IL20RA: variants seen among roughly 807,000 people sequenced by gnomAD.
IL20RA encodes interleukin-20 receptor subunit alpha.
In IL20RA, 29 loss-of-function variants were observed where a neutral mutation model predicts 36.5. The ratio of observed to expected loss-of-function variants is 0.79; its 90% CI spans 0.59 to 1.08. The LOEUF (loss-of-function observed/expected upper bound fraction) is 1.08. IL20RA is among the 50% of genes least tolerant of loss of function. The pLI is 0.00. For synonymous variants in IL20RA, 279 were observed against 267.1 expected, an observed-to-expected ratio of 1.04 and a Z score of -0.43; for missense variants, 652 against 668.4, an observed-to-expected ratio of 0.98 and a Z score of 0.27.
chr6:137,003,159 T>C (rs1383647767), intron 6 of IL20RA, among the ~76,000 whole-genome samples: 2 of 152,172 alleles, frequency 1.3e-5, no homozygotes, highest in African/African-American at 4.8e-5. Context: ...AAATCACAGG[T>C]GGTCAATTCT....
At chr6:137,009,008 C>T (rs1226965617) in intron 4 of IL20RA, 2 of 556,470 alleles carry the variant, frequency 3.6e-6, no homozygotes, top group South Asian at 5.6e-5. Flanking sequence ...GTCCTGGGTC[C>T]TTGCTCACAT....
intron 2 of IL20RA, among the ~76,000 whole-genome samples, chr6:137,013,004 G>T (rs1236399562): frequency 2.0e-5 from 3 of 151,874 alleles, no homozygotes; most frequent in African/African-American, 7.3e-5. Flanking sequence ...ACAGGGAAAA[G>T]AAAAATACAT....
intron 2 of IL20RA, among the ~76,000 whole-genome samples, chr6:137,011,739 A>C (rs962123837): frequency 1.1e-4 from 16 of 152,218 alleles, no homozygotes; most frequent in Non-Finnish European, 1.6e-4. Context: ...GGCTACAGTG[A>C]AATTTTTACA....
At chr6:137,044,046 T>C in intron 1 of IL20RA, 1 of 939,402 alleles carries the variant, frequency 1.1e-6, no homozygotes, top group Non-Finnish European at 1.3e-6. Context: ...TACATGGTCA[T>C]AACTGCAAAG....
At chr6:137,032,052 C>CAAAAAAAAAAAAAAA (rs11379045) in intron 1 of IL20RA, among the ~76,000 whole-genome samples, 6 of 61,834 alleles carry the variant, frequency 9.7e-5, no homozygotes, top group African/African-American at 1.9e-4. Context: ...GATTCTGTCT[C>CAAAAAAAAAAAAAAA]AAAAAAAAAA....
rs372670151 is a variant in IL20RA, at chr6:137,022,826, C to T, written c.89-5723G>A. On this transcript the variant is annotated intron_variant, in intron 1 of 6. Transcript: ENST00000316649. ...ACACAAGGAGAATGCCATGTGAAGA[C>T]GAAGGACTGGAGTGATGCACCTACA... Among the ~76,000 whole-genome samples, 31 of 152,140 alleles carry T rather than the reference C, an allele frequency of 2.0e-4. 2 individuals carry two copies. The highest frequency in any genetic ancestry group is 9.7e-4 in the East Asian group (5 of 5,162).
At chr6:137,035,715 A>T (rs968873779) in intron 1 of IL20RA, among the ~76,000 whole-genome samples, 5 of 152,252 alleles carry the variant, frequency 3.3e-5, no homozygotes, top group African/African-American at 1.2e-4. Context: ...CTATTTTGTT[A>T]AATCTGATCA....
At chr6:137,006,434 G>A (rs1775283837) in intron 5 of IL20RA, among the ~76,000 whole-genome samples, 1 of 152,174 alleles carries the variant, frequency 6.6e-6, no homozygotes. Context: ...CTGGTCCCTG[G>A]ATTGAGCCTG....
intron 2 of IL20RA, 43 bp downstream of exon 2, chr6:137,016,925 T>G (rs1357342962): frequency 4.5e-6 from 7 of 1,571,212 alleles, no homozygotes; most frequent in Non-Finnish European, 6.1e-6. Context: ...AGAGTCTGAG[T>G]CTTGTGTTTG....
rs149418965 is a variant in IL20RA at position 137,036,680 on chromosome 6, C to T, written c.88+7961G>A. ...CTCCCTCACAGCCTTCAGAAAGAAC[C>T]CACCCTGCTGACACCTTGATTTCAG... On this transcript the variant is annotated intron_variant, in intron 1 of 6. Transcript: ENST00000316649. 1.7e-4 allele frequency among the ~76,000 whole-genome samples: 26 copies of T among 152,260 alleles called. No individual in the cohort carries two copies. The East Asian group carries it at 4.2e-3, about 25-fold the overall frequency.
At chr6:137,038,750 C>G (rs1441633624) in intron 1 of IL20RA, among the ~76,000 whole-genome samples, 2 of 151,978 alleles carry the variant, frequency 1.3e-5, no homozygotes, top group Non-Finnish European at 2.9e-5. Flanking sequence ...TGGAAGTCAG[C>G]ATGTCAATGA....
In IL20RA at chr6:137,044,031, A is replaced by C. The variant is rs79061644; in HGVS notation, c.88+610T>G. 2.8e-3 allele frequency: 2,362 copies of C among 836,994 alleles called. 51 individuals carry two copies. In the African/African-American group the frequency reaches 0.041, roughly 15 times the overall value. 51.8% of individuals were successfully genotyped at this position (836,994 alleles called of 1,614,324 possible). The stretch of plus-strand genomic sequence containing the variant: ...TATTTCTGAAAAATCAAAGAGCACT[A>C]TCTGTACATGGTCATAACTGCAAAG... On this transcript the variant is annotated intron_variant, in intron 1 of 6. Transcript: ENST00000316649.
Position 137,013,412 on chromosome 6 carries a change from A to C in IL20RA, c.225-1960T>G, listed in dbSNP as rs530357184. The stretch of plus-strand genomic sequence containing the variant: ...TCCAGTAATGACACTCACGCATGGC[A>C]AACAGCCATATGGGGCCCTCAGTGG... On this transcript the variant is annotated intron_variant, in intron 2 of 6. Transcript: ENST00000316649. 2.6e-5 allele frequency among the ~76,000 whole-genome samples: 4 copies of C among 152,356 alleles called. No individual in the cohort carries two copies. In the East Asian group the frequency reaches 5.8e-4, roughly 22 times the overall value.
rs186444141 is a variant in IL20RA at position 137,026,311 on chromosome 6, A to G, written c.89-9208T>C. Among the ~76,000 whole-genome samples, 367 of 152,352 alleles carry G rather than the reference A, an allele frequency of 2.4e-3. 2 individuals are homozygous for G. The highest frequency in any genetic ancestry group is 4.4e-3 in the Non-Finnish European group (299 of 68,032). ...TAAATGCTTTGGAAATGAACTGACC[A>G]GGAACTCTTCGGGCTGACATAAATC... On this transcript the variant is annotated intron_variant, in intron 1 of 6. Coordinates refer to ENST00000316649, the MANE Select transcript of IL20RA (RefSeq NM_014432.4).
rs1045707146 is a variant in IL20RA at position 137,008,092 on chromosome 6, C to G, written c.724+507G>C. ...AGGTGATCCTCCCACCTCAGCCTCC[C>G]GAGTAGCTAGGACTACAGGCATGCA... On this transcript the variant is annotated intron_variant, in intron 5 of 6. Coordinates refer to ENST00000316649, the MANE Select transcript of IL20RA (RefSeq NM_014432.4). 5.3e-5 allele frequency among the ~76,000 whole-genome samples: 8 copies of G among 152,232 alleles called. No individual in the cohort carries two copies. In the East Asian group the frequency reaches 1.5e-3, roughly 29 times the overall value.
rs759117119 is a variant in IL20RA, at chr6:137,009,472, C to A, written c.424G>T (p.Val142Leu). Residue 142 changes from valine to leucine, a missense_variant, in exon 4 of 7, where the codon GTG (valine) becomes TTG (leucine). Coordinates refer to ENST00000316649, the MANE Select transcript of IL20RA (RefSeq NM_014432.4). Reference sequence around the variant, plus strand: ...GACTTCTCATCTGTAGTCAGTGCCACCTCTGGTGGGCCAATTTGTGCTTAA... The same window carrying A: ...GACTTCTCATCTGTAGTCAGTGCCAACTCTGGTGGGCCAATTTGTGCTTAA... Reference protein sequence around the residue: ...FLETQIGPPEVALTTDEKSIS... With the variant: ...FLETQIGPPELALTTDEKSIS... 6.2e-7 allele frequency: 1 copy of A among 1,612,304 alleles called. No homozygotes were observed. Among genetic ancestry groups the A allele is most frequent in the Non-Finnish European group, 8.5e-7 (1 of 1,178,410 alleles).
intron 2 of IL20RA, among the ~76,000 whole-genome samples, chr6:137,013,242 C>T (rs1775560267): frequency 6.6e-6 from 1 of 152,130 alleles, no homozygotes; most frequent in African/African-American, 2.4e-5. Flanking sequence ...TTGCCATTGC[C>T]TATGTGGCCC....
At chr6:137,026,858 A>T (rs1776104962) in intron 1 of IL20RA, among the ~76,000 whole-genome samples, 1 of 151,954 alleles carries the variant, frequency 6.6e-6, no homozygotes, top group Non-Finnish European at 1.5e-5. Flanking sequence ...TCCTAATTAT[A>T]TATCAAGTTC....
chr6:137,024,922 G>T (rs1776033904), intron 1 of IL20RA, among the ~76,000 whole-genome samples: 1 of 152,218 alleles, frequency 6.6e-6, no homozygotes, highest in African/African-American at 2.4e-5. Flanking sequence ...ATCAACTCTG[G>T]ACTCCCTTTG....
Sources: gnomAD v4.1 joint callset for allele counts (sites outside exome capture counted in the v4.1 genomes callset) on GRCh38, gnomAD v4.1.1 for gene constraint, MANE v1.5 for transcripts, NCBI Gene and HGNC (gene_info 2026-07-23, HGNC 2026-07-21) for gene names.